The following FHOD3 variants were observed in gnomAD, a reference collection of about 807,000 sequenced individuals.
The protein encoded by FHOD3 is formin homology 2 domain containing 3, also known as FH1/FH2 domain-containing protein 3.
In FHOD3, 90 loss-of-function variants were observed where a neutral mutation model predicts 173.0. The observed-to-expected ratio is 0.52, with a 90% CI of 0.44 to 0.62. The LOEUF is 0.62. Among genes scored for constraint, FHOD3 ranks in the 20% least tolerant of loss-of-function variants. The pLI is 0.00. For missense variants in FHOD3, 1,945 were observed against 2,034.7 expected (o/e 0.96, Z 0.85); for synonymous variants, 828 against 823.0 (o/e 1.01, Z -0.10).
At chr18:36,762,560 G>T (rs1368648142) in intron 27 of FHOD3, among the ~76,000 whole-genome samples, 2 of 152,188 alleles carry the variant, frequency 1.3e-5, no homozygotes, top group Admixed American at 1.3e-4. Context: ...ACTTTGGGAG[G>T]CCGAGGTCGG....
In FHOD3 at chr18:36,448,634, C is replaced by G. The variant is rs565988485; in HGVS notation, c.338-53298C>G. Among the ~76,000 whole-genome samples, 339 of 152,258 alleles carry G rather than the reference C, an allele frequency of 2.2e-3. 1 individual carries two copies. Among genetic ancestry groups the G allele is most frequent in the Middle Eastern group, 6.8e-3 (2 of 294 alleles). On this transcript the variant is annotated intron_variant, in intron 3 of 28. Coordinates refer to ENST00000590592, the MANE Select transcript of FHOD3 (RefSeq NM_001281740.3). ...AGGGTTTTGTTTGGACAGCCTTTTCCCCTGGGGCCCAGAATGGGGGACAGG... is the reference window on the plus strand; with the variant it reads ...AGGGTTTTGTTTGGACAGCCTTTTCGCCTGGGGCCCAGAATGGGGGACAGG...
chr18:36,401,932 C>A (rs2048830434), intron 3 of FHOD3, among the ~76,000 whole-genome samples: 10 of 152,180 alleles, frequency 6.6e-5, no homozygotes, highest in Admixed American at 5.9e-4. Flanking sequence ...TGCTCTTTGG[C>A]TGTTATAAAT....
At chr18:36,521,609 A>T (rs889843740) in intron 5 of FHOD3, among the ~76,000 whole-genome samples, 2 of 152,018 alleles carry the variant, frequency 1.3e-5, no homozygotes, top group African/African-American at 4.8e-5. Context: ...TTGAGTTCAG[A>T]TCATCATTTG....
intron 5 of FHOD3, among the ~76,000 whole-genome samples, chr18:36,529,003 T>C (rs1164181847): frequency 6.6e-6 from 1 of 152,224 alleles, no homozygotes; most frequent in Non-Finnish European, 1.5e-5. Context: ...GAGAGGATTC[T>C]GACCCCAAGC....
In FHOD3 at chr18:36,709,238, G is replaced by A. The variant is rs1435993334; in HGVS notation, c.2380G>A (p.Glu794Lys). The change falls in exon 18 of 29, where the codon GAG becomes AAG. Residue 794 changes from glutamate (E) to lysine (K), a missense_variant. This residue lies in a region of FHOD3 where 1,099 missense variants were observed against 1,051.2 expected (regional missense o/e 1.05). Transcript: ENST00000590592. ...TGAAGTGGAGCAGGCACTAGAGCAA[G>A]AGCCGGAAGAAAGAGCCTCCCTCAG... ...ETEVEQALEQEPEERASLSEK... is the reference protein window; with the variant it reads ...ETEVEQALEQKPEERASLSEK... 2 of 1,614,074 alleles carry A rather than the reference G, an allele frequency of 1.2e-6. No individual in the cohort carries two copies. The highest frequency in any genetic ancestry group is 1.7e-6 in the Non-Finnish European group (2 of 1,180,048).
chr18:36,771,613 G>T (rs1374708613), intron 28 of FHOD3, among the ~76,000 whole-genome samples: 1 of 152,098 alleles, frequency 6.6e-6, no homozygotes, highest in Non-Finnish European at 1.5e-5. Context: ...CCCTTTATTG[G>T]CTTCCTGTTA....
At chr18:36,306,638 T>G (rs1255823207) in intron 1 of FHOD3, among the ~76,000 whole-genome samples, 1 of 152,216 alleles carries the variant, frequency 6.6e-6, no homozygotes, top group Non-Finnish European at 1.5e-5. Context: ...AACTCCAAAG[T>G]CCTCGAGTAG....
At chr18:36,502,634 C>G (rs1195311669) in intron 4 of FHOD3, among the ~76,000 whole-genome samples, 2 of 152,078 alleles carry the variant, frequency 1.3e-5, no homozygotes, top group Admixed American at 6.6e-5. Context: ...TTTTCTTCAT[C>G]CAGTCTACCA....
chr18:36,417,486 T>C (rs1599034808), intron 3 of FHOD3, among the ~76,000 whole-genome samples: 1 of 152,222 alleles, frequency 6.6e-6, no homozygotes, highest in East Asian at 1.9e-4. Context: ...GCATTTAGGT[T>C]GATTCCATGT....
chr18:36,339,217 G>T (rs1327929079), intron 1 of FHOD3, among the ~76,000 whole-genome samples: 1 of 152,124 alleles, frequency 6.6e-6, no homozygotes, highest in Non-Finnish European at 1.5e-5. Context: ...GGTTGATGGA[G>T]GGATGGCAAG....
intron 5 of FHOD3, among the ~76,000 whole-genome samples, chr18:36,538,085 C>T (rs1466509476): frequency 1.3e-5 from 2 of 152,118 alleles, no homozygotes. Context: ...ACAAAACACC[C>T]TTCTAAATAA....
intron 7 of FHOD3, among the ~76,000 whole-genome samples, chr18:36,598,639 A>G (rs529306070): frequency 1.6e-4 from 25 of 151,628 alleles, no homozygotes; most frequent in African/African-American, 6.1e-4. Context: ...TGCAAGCTCC[A>G]CCTCTGCGTT....
At chr18:36,742,921 C>T in intron 22 of FHOD3, 65 bp downstream of exon 22, 1 of 1,564,708 alleles carries the variant, frequency 6.4e-7, no homozygotes, top group Non-Finnish European at 8.6e-7. Flanking sequence ...CCAGCAATTG[C>T]TGATGAAGGT....
intron 17 of FHOD3, among the ~76,000 whole-genome samples, chr18:36,702,076 GA>G (rs2039621709): frequency 6.6e-6 from 1 of 152,190 alleles, no homozygotes; most frequent in Non-Finnish European, 1.5e-5. Flanking sequence ...TTTCTTTTGT[GA>G]AGCTGAGTTT....
intron 3 of FHOD3, among the ~76,000 whole-genome samples, chr18:36,423,197 A>G (rs1356933020): frequency 1.3e-5 from 2 of 152,204 alleles, no homozygotes; most frequent in Middle Eastern, 3.2e-3. Context: ...TTAAGTAATG[A>G]AAACTTCGAT....
intron 1 of FHOD3, among the ~76,000 whole-genome samples, chr18:36,341,113 G>A (rs2045594746): frequency 6.6e-6 from 1 of 152,158 alleles, no homozygotes; most frequent in African/African-American, 2.4e-5. Flanking sequence ...AAGTTATTTG[G>A]CCAAATTACA....
Position 36,681,667 on chromosome 18 carries a change from G to A in FHOD3, c.1970+97G>A, listed in dbSNP as rs182271058. 4.8e-5 allele frequency: 65 copies of A among 1,355,804 alleles called. 1 individual carries two copies. The Admixed American group carries it at 8.5e-4, about 18-fold the overall frequency. 84.0% of individuals were successfully genotyped at this position (1,355,804 alleles called of 1,614,324 possible). On this transcript the variant is annotated intron_variant, in intron 15 of 28. Transcript: ENST00000590592. Reference sequence around the variant, plus strand: ...ACATTTAATATTGGCATTAAAGGAAGTAATGAAAATTCTGTCTGTATTTTT... The same window carrying A: ...ACATTTAATATTGGCATTAAAGGAAATAATGAAAATTCTGTCTGTATTTTT...
chr18:36,449,509 C>G (rs545963551), intron 3 of FHOD3, among the ~76,000 whole-genome samples: 48 of 152,324 alleles, frequency 3.2e-4, no homozygotes, highest in African/African-American at 1.1e-3. Flanking sequence ...ACAGGTCCAT[C>G]TGACCCCAGA....
intron 14 of FHOD3, among the ~76,000 whole-genome samples, chr18:36,669,715 T>G (rs1009503418): frequency 1.3e-5 from 2 of 151,982 alleles, no homozygotes; most frequent in Non-Finnish European, 2.9e-5. Flanking sequence ...GATCATGGAT[T>G]TTACCTTTAA....
Sources: gnomAD v4.1 joint callset for allele counts (sites outside exome capture counted in the v4.1 genomes callset) on GRCh38, gnomAD v4.1.1 for gene constraint, gnomAD v4.1.1 regional missense constraint, MANE v1.5 for transcripts, NCBI Gene and HGNC (gene_info 2026-07-23, HGNC 2026-07-21) for gene names.